Variants in MYCBP2 observed in about 807,000 individuals in gnomAD.
MYCBP2 encodes MYC binding protein 2, also known as E3 ubiquitin-protein ligase MYCBP2.
In MYCBP2, 120 loss-of-function variants were observed where a neutral mutation model predicts 525.3. The ratio of observed to expected loss-of-function variants is 0.23; its 90% CI spans 0.20 to 0.27. The LOEUF is 0.27. Among genes scored for constraint, MYCBP2 ranks in the 10% least tolerant of loss-of-function variants. The probability of loss-of-function intolerance (pLI) is 1.00; values close to 1 mark genes in which losing one functional copy is unlikely to be tolerated. For missense variants in MYCBP2, 4,149 were observed against 5,657.1 expected, an observed-to-expected ratio of 0.73 and a Z score of 8.55; for synonymous variants, 1,894 against 1,955.8, an observed-to-expected ratio of 0.97 and a Z score of 0.83.
Position 77,159,580 on chromosome 13 carries a change from T to C in MYCBP2, c.6598-1471A>G, listed in dbSNP as rs187701233. On this transcript the variant is annotated intron_variant, in intron 44 of 82. Coordinates refer to ENST00000544440, the MANE Select transcript of MYCBP2 (RefSeq NM_015057.5). Reference sequence around the variant, plus strand: ...GGGGAGTGACCTGGCGGGAGGTGACTGAATCATGGGGGCAGACTTCCCCCT... The same window carrying C: ...GGGGAGTGACCTGGCGGGAGGTGACCGAATCATGGGGGCAGACTTCCCCCT... Among the ~76,000 whole-genome samples, 230 of 152,324 alleles carry C rather than the reference T, an allele frequency of 1.5e-3. 1 individual carries two copies. The highest frequency in any genetic ancestry group is 5.3e-3 in the African/African-American group (220 of 41,584).
intron 47 of MYCBP2, among the ~76,000 whole-genome samples, chr13:77,147,192 AT>A (rs2055731634): frequency 6.6e-6 from 1 of 152,140 alleles, no homozygotes; most frequent in Admixed American, 6.6e-5. Context: ...ATAAATTTGT[AT>A]TCAGTAAGAG....
intron 1 of MYCBP2, among the ~76,000 whole-genome samples, chr13:77,303,590 G>T (rs946564635): frequency 1.3e-5 from 2 of 151,692 alleles, no homozygotes; most frequent in Non-Finnish European, 2.9e-5. Flanking sequence ...CAAATGTTTG[G>T]CAATCAAAAA....
At chr13:77,305,973 C>T (rs937527943) in intron 1 of MYCBP2, among the ~76,000 whole-genome samples, 4 of 152,078 alleles carry the variant, frequency 2.6e-5, no homozygotes, top group Non-Finnish European at 5.9e-5. Flanking sequence ...TCCACTTAGG[C>T]ATAGGAGGAA....
At chr13:77,113,884 G>T (rs1247254877) in intron 55 of MYCBP2, among the ~76,000 whole-genome samples, 2 of 152,130 alleles carry the variant, frequency 1.3e-5, no homozygotes, top group African/African-American at 4.8e-5. Flanking sequence ...ATGTTATAAA[G>T]TCAAGTGGAA....
chr13:77,056,104 G>GTGTGTC (rs1555291161), intron 79 of MYCBP2, among the ~76,000 whole-genome samples: 1 of 69,628 alleles, frequency 1.4e-5, no homozygotes, highest in Non-Finnish European at 3.2e-5. Flanking sequence ...TGTTTGGTGT[G>GTGTGTC]TGTGTGTGTG....
At chr13:77,067,924 T>A (rs1052904479) in intron 70 of MYCBP2, 60 bp from the exon 71 acceptor site, 61 of 1,485,492 alleles carry the variant, frequency 4.1e-5, no homozygotes, top group Non-Finnish European at 5.3e-5. Context: ...AAGGTTTCTT[T>A]TATTTCTCTT....
chr13:77,095,070 T>C (rs2046035108), intron 58 of MYCBP2, among the ~76,000 whole-genome samples: 1 of 152,130 alleles, frequency 6.6e-6, no homozygotes, highest in Non-Finnish European at 1.5e-5. Context: ...ACTAACAGAG[T>C]GAAGTCAGCC....
chr13:77,260,851 T>C (rs538712219), intron 12 of MYCBP2, among the ~76,000 whole-genome samples: 7 of 152,288 alleles, frequency 4.6e-5, no homozygotes, highest in African/African-American at 7.2e-5. Flanking sequence ...TGAGTAATAT[T>C]AGTTTTCTAC....
At chr13:77,196,970 T>C (rs1593744239) in intron 26 of MYCBP2, among the ~76,000 whole-genome samples, 1 of 152,168 alleles carries the variant, frequency 6.6e-6, no homozygotes, top group Non-Finnish European at 1.5e-5. Flanking sequence ...AGGAAGATGA[T>C]GAGCAACCAG....
At chr13:77,095,258 G>A in intron 58 of MYCBP2, 100 bp downstream of exon 58, 1 of 1,394,306 alleles carries the variant, frequency 7.2e-7, no homozygotes, top group Non-Finnish European at 9.8e-7. Flanking sequence ...GTACACAATA[G>A]CTAATAAAGT....
chr13:77,210,777 TAAC>T (rs901077415), intron 23 of MYCBP2, among the ~76,000 whole-genome samples: 18 of 152,158 alleles, frequency 1.2e-4, no homozygotes, highest in African/African-American at 4.3e-4. Flanking sequence ...AGACTAAAAA[TAAC>T]AACAGAACTC....
intron 48 of MYCBP2, 41 bp from the exon 49 acceptor site, chr13:77,144,601 G>A: frequency 7.5e-7 from 1 of 1,332,356 alleles, no homozygotes; most frequent in Non-Finnish European, 1.1e-6. Flanking sequence ...TTTACTTTTG[G>A]TTAAGCAGTC....
intron 1 of MYCBP2, among the ~76,000 whole-genome samples, chr13:77,312,141 A>C (rs2080326773): frequency 6.6e-6 from 1 of 152,130 alleles, no homozygotes; most frequent in African/African-American, 2.4e-5. Context: ...TTATATATCC[A>C]CCTAAAATAT....
At chr13:77,261,130 C>T (rs536271154) in intron 12 of MYCBP2, 41 bp downstream of exon 12, 2 of 1,481,592 alleles carry the variant, frequency 1.3e-6, no homozygotes, top group Admixed American at 3.8e-5. Flanking sequence ...TAAAATAAAG[C>T]ATTTATTTTT....
Position 77,233,877 on chromosome 13 carries a change from C to CGAGA in MYCBP2, c.2630-618_2630-615dup, listed in dbSNP as rs71102725. Among the ~76,000 whole-genome samples, 31 of 145,640 alleles carry CGAGA rather than the reference C, an allele frequency of 2.1e-4. No individual in the cohort carries two copies. In the South Asian group the frequency reaches 2.4e-3, roughly 11 times the overall value. On this transcript the variant is annotated intron_variant, in intron 17 of 82. Coordinates refer to ENST00000544440, the MANE Select transcript of MYCBP2 (RefSeq NM_015057.5). Reference sequence around the variant, plus strand: ...TATACACACAGAGAGAGAGAGAGAACGAGAGAGAGAGAGAGAGAGAAAGGA... The same window carrying CGAGA: ...TATACACACAGAGAGAGAGAGAGAACGAGAGAGAGAGAGAGAGAGAGAGAAAGGA...
At chr13:77,309,148 A>G (rs1300019531) in intron 1 of MYCBP2, among the ~76,000 whole-genome samples, 1 of 152,188 alleles carries the variant, frequency 6.6e-6, no homozygotes, top group Non-Finnish European at 1.5e-5. Flanking sequence ...ATTATTAAAC[A>G]CTATTTCTAA....
intron 21 of MYCBP2, among the ~76,000 whole-genome samples, chr13:77,214,329 A>G (rs1305347127): frequency 6.6e-6 from 1 of 152,242 alleles, no homozygotes; most frequent in East Asian, 1.9e-4. Flanking sequence ...TCTCAAAGAT[A>G]CACCTCTAAC....
At chr13:77,063,646 A>G (rs1227995551) in intron 73 of MYCBP2, among the ~76,000 whole-genome samples, 1 of 152,082 alleles carries the variant, frequency 6.6e-6, no homozygotes, top group African/African-American at 2.4e-5. Flanking sequence ...AGTTTTATAT[A>G]GAATGATATA....
chr13:77,125,813 G>A (rs189841756), intron 53 of MYCBP2, among the ~76,000 whole-genome samples: 34 of 152,276 alleles, frequency 2.2e-4, no homozygotes, highest in African/African-American at 7.7e-4. Context: ...TAGGTTGAGA[G>A]TATCCATAGT....
Sources: allele counts gnomAD v4.1 joint callset (sites outside exome capture counted in the v4.1 genomes callset), GRCh38; gene constraint gnomAD v4.1.1; transcripts MANE v1.5; gene names NCBI Gene and HGNC (gene_info 2026-07-23, HGNC 2026-07-21).